Variants in LIX1 observed in about 807,000 individuals in gnomAD.
LIX1 encodes protein limb expression 1 homolog.
A neutral mutation model predicts 33.4 loss-of-function variants in LIX1; 24 were observed. That is an observed-to-expected ratio of 0.72 (90% CI 0.52 to 1.01). LIX1 has a LOEUF of 1.01. Ranked by LOEUF, LIX1 falls within the 50% of genes least tolerant of loss-of-function variation. The probability of loss-of-function intolerance (pLI) is 0.00; values close to 1 mark genes in which losing one functional copy is unlikely to be tolerated. For missense variants in LIX1, 311 were observed against 339.2 expected (o/e 0.92, Z 0.65); for synonymous variants, 124 against 124.0 (o/e 1.00, Z 0.00).
chr5:97,140,825 G>C (rs1748271237), intron 1 of LIX1, among the ~76,000 whole-genome samples: 1 of 152,224 alleles, frequency 6.6e-6, no homozygotes, highest in Admixed American at 6.5e-5. Flanking sequence ...CATGCAAGCA[G>C]TTGCCGAGTA....
rs1457053020 is a variant in LIX1, at chr5:97,125,408, T to C, written c.83-779A>G. Reference sequence around the variant, plus strand: ...AATTGTAGAGTCAAAAGTGACCTTATAGGTCATGTAGGCAAAGCCCTGCCT... The same window carrying C: ...AATTGTAGAGTCAAAAGTGACCTTACAGGTCATGTAGGCAAAGCCCTGCCT... On this transcript the variant is annotated intron_variant, in intron 1 of 5. Transcript: ENST00000274382. Among the ~76,000 whole-genome samples, 3 of 152,222 alleles carry C rather than the reference T, an allele frequency of 2.0e-5. No individual in the cohort carries two copies. In the East Asian group the frequency reaches 5.8e-4, roughly 29 times the overall value.
chr5:97,127,848 A>G (rs1283161607), intron 1 of LIX1, among the ~76,000 whole-genome samples: 2 of 152,162 alleles, frequency 1.3e-5, no homozygotes, highest in African/African-American at 4.8e-5. Context: ...ATCCATCCCT[A>G]TGTCTAGGGA....
At chr5:97,131,369 C>T (rs1407185001) in intron 1 of LIX1, among the ~76,000 whole-genome samples, 7 of 152,200 alleles carry the variant, frequency 4.6e-5, no homozygotes, top group African/African-American at 1.7e-4. Flanking sequence ...TCCATTGTGT[C>T]TTACTCACTG....
intron 1 of LIX1, among the ~76,000 whole-genome samples, chr5:97,138,437 A>C (rs1748213900): frequency 6.6e-6 from 1 of 152,184 alleles, no homozygotes; most frequent in Non-Finnish European, 1.5e-5. Flanking sequence ...GTGTTCCCTA[A>C]CTTAGGTATT....
In LIX1 at chr5:97,109,534, G is replaced by A. The variant is rs931239297; in HGVS notation, c.247-2034C>T. On this transcript the variant is annotated intron_variant, in intron 2 of 5. Transcript: ENST00000274382. ...CTCCCAAAGTGCTGGGATTACAGGT[G>A]TGAGCCACTGGCCCCCTCATATATT... 2.6e-5 allele frequency among the ~76,000 whole-genome samples: 4 copies of A among 152,256 alleles called. No individual in the cohort carries two copies. In the South Asian group the frequency reaches 8.3e-4, roughly 32 times the overall value.
rs565833422 is a variant in LIX1, at chr5:97,105,465, T to C, written c.388-180A>G. ...TCATCAATTTGAATTGAGCGTTTGA[T>C]AGAATACTAACTGTTATATACTCGC... On this transcript the variant is annotated intron_variant, in intron 3 of 5. Transcript: ENST00000274382. Among the ~76,000 whole-genome samples the C allele has an allele frequency of 7.2e-5, 11 of 152,344 alleles. No individual in the cohort carries two copies. In the South Asian group the frequency reaches 2.3e-3, roughly 32 times the overall value.
chr5:97,121,050 C>G (rs1747770833), intron 2 of LIX1, among the ~76,000 whole-genome samples: 1 of 151,922 alleles, frequency 6.6e-6, no homozygotes, highest in Non-Finnish European at 1.5e-5. Flanking sequence ...TCTTATTTGT[C>G]TTTTCAAAGA....
intron 1 of LIX1, among the ~76,000 whole-genome samples, chr5:97,131,540 A>T (rs1291858776): frequency 8.4e-6 from 1 of 118,888 alleles, no homozygotes. Context: ...GGCCAGAGGA[A>T]TGAAATGCCT....
chr5:97,136,622 G>C (rs1748177533), intron 1 of LIX1, among the ~76,000 whole-genome samples: 1 of 152,106 alleles, frequency 6.6e-6, no homozygotes, highest in Admixed American at 6.6e-5. Context: ...CCACATGAGG[G>C]AAATGTAAAC....
chr5:97,095,593 A>G (rs1432458894), intron 5 of LIX1, among the ~76,000 whole-genome samples: 1 of 152,132 alleles, frequency 6.6e-6, no homozygotes, highest in Non-Finnish European at 1.5e-5. Flanking sequence ...GTAAATACAG[A>G]AGGGAGTTTA....
At chr5:97,140,171 G>C (rs1249998102) in intron 1 of LIX1, among the ~76,000 whole-genome samples, 4 of 152,128 alleles carry the variant, frequency 2.6e-5, no homozygotes, top group Non-Finnish European at 5.9e-5. Context: ...GAGAAAAACT[G>C]TGTTTGCATT....
chr5:97,093,283 GT>G lies in LIX1; in HGVS notation c.*1464del, dbSNP rs1224418676. The G allele has an allele frequency of 3.3e-5, 5 of 152,238 alleles. No homozygotes were observed. Among genetic ancestry groups the G allele is most frequent in the African/African-American group, 1.2e-4 (5 of 41,534 alleles). The allele number at this position is 152,238 out of a possible 1,614,324, so 9.4% of individuals were successfully genotyped here. ...TATAAACTTTAATGTAATTATAATGGTTTTGCTTTCAGTGAAGCATGTATGC... is the reference window on the plus strand; with the variant it reads ...TATAAACTTTAATGTAATTATAATGGTTTGCTTTCAGTGAAGCATGTATGC... On this transcript the variant is annotated 3_prime_UTR_variant, in exon 6 of 6. Transcript: ENST00000274382.
At chr5:97,117,875 C>G (rs1371722012) in intron 2 of LIX1, among the ~76,000 whole-genome samples, 1 of 151,718 alleles carries the variant, frequency 6.6e-6, no homozygotes, top group Non-Finnish European at 1.5e-5. Context: ...CCGCATCTCA[C>G]TACTCTGCAG....
intron 1 of LIX1, among the ~76,000 whole-genome samples, chr5:97,127,692 A>C (rs563553881): frequency 9.2e-5 from 14 of 152,362 alleles, no homozygotes; most frequent in African/African-American, 3.4e-4. Flanking sequence ...CAGAGGTTCA[A>C]GAGCTGCTGA....
chr5:97,104,998 G>T (rs1251553774), intron 4 of LIX1, among the ~76,000 whole-genome samples, 192 bp downstream of exon 4: 1 of 152,198 alleles, frequency 6.6e-6, no homozygotes. Context: ...CTGATTGCGT[G>T]TTTGTTTACG....
chr5:97,105,284 C>T lies in LIX1; in HGVS notation c.389G>A (p.Gly130Asp). ...GGGGTCATCTGCATCATCTAAGGTG[C>T]CCTTGGGAAAGAAAGCAGAAAAAGA... ...SVQEAVASTS[G>D]TLDDADDPST... Residue 130 changes from glycine to aspartate, a missense_variant and splice_region_variant, in exon 4 of 6, where the codon GGC becomes GAC. Gly to Asp is a moderately conservative substitution (Grantham distance 94). Coordinates refer to ENST00000274382, the MANE Select transcript of LIX1 (RefSeq NM_153234.5). 1 of 1,612,874 alleles carries T rather than the reference C, an allele frequency of 6.2e-7. No individual in the cohort carries two copies. Among genetic ancestry groups the T allele is most frequent in the Non-Finnish European group, 8.5e-7 (1 of 1,179,214 alleles).
intron 2 of LIX1, among the ~76,000 whole-genome samples, chr5:97,119,323 C>A (rs1179479533): frequency 6.6e-6 from 1 of 152,146 alleles, no homozygotes; most frequent in Non-Finnish European, 1.5e-5. Flanking sequence ...AAAGGCATTG[C>A]AGGAATGAGC....
intron 1 of LIX1, chr5:97,136,987 A>T (rs1216973184): frequency 3.3e-6 from 1 of 302,296 alleles, no homozygotes; most frequent in Non-Finnish European, 6.6e-6. Flanking sequence ...GTATTACAAA[A>T]AGAAGATTCT....
At chr5:97,128,811 C>A (rs1580243380) in intron 1 of LIX1, among the ~76,000 whole-genome samples, 1 of 152,294 alleles carries the variant, frequency 6.6e-6, no homozygotes, top group African/African-American at 2.4e-5. Flanking sequence ...GCATCAGTTT[C>A]TTTCAGTCTA....
Sources: gnomAD v4.1 joint callset for allele counts (sites outside exome capture counted in the v4.1 genomes callset) on GRCh38, gnomAD v4.1.1 for gene constraint, MANE v1.5 for transcripts, NCBI Gene and HGNC (gene_info 2026-07-23, HGNC 2026-07-21) for gene names.